KATNAL1: variants seen among roughly 807,000 people sequenced by gnomAD.
KATNAL1 encodes katanin p60 ATPase-containing subunit A-like 1.
A neutral mutation model predicts 55.2 loss-of-function variants in KATNAL1; 32 were observed. That is an observed-to-expected ratio of 0.58 (90% CI 0.44 to 0.78). The LOEUF (loss-of-function observed/expected upper bound fraction) is 0.78, where lower values mean the gene tolerates loss of function less well. Ranked by LOEUF, KATNAL1 falls within the 30% of genes least tolerant of loss-of-function variation. The pLI, the probability that KATNAL1 is intolerant of heterozygous loss-of-function variation, is 0.00. For missense variants in KATNAL1, 466 were observed against 600.9 expected (o/e 0.78, Z 2.35); for synonymous variants, 193 against 193.6 (o/e 1.00, Z 0.02).
chr13:30,260,663 T>A (rs1361658795), intron 3 of KATNAL1, among the ~76,000 whole-genome samples: 1 of 151,378 alleles, frequency 6.6e-6, no homozygotes, highest in Non-Finnish European at 1.5e-5. Context: ...GAAGGGAAAT[T>A]TAGAGAAAAA....
In KATNAL1 at chr13:30,208,374, A is replaced by G. The variant is rs1873345520; in HGVS notation, c.*166T>C. The G allele has an allele frequency of 1.7e-6, 1 of 576,938 alleles. No homozygotes were observed. The highest frequency in any genetic ancestry group is 2.9e-6 in the Non-Finnish European group (1 of 339,054). The allele number at this position is 576,938 out of a possible 1,614,324, so 35.7% of individuals were successfully genotyped here. On this transcript the variant is annotated 3_prime_UTR_variant, in exon 11 of 11. Coordinates refer to ENST00000380615, the MANE Select transcript of KATNAL1 (RefSeq NM_032116.5). ...GGAGACTAGCAAACTCTCGCCATCA[A>G]TTATTTCTCAACTACATTTAGTATT...
chr13:30,307,203 C>T (rs1432738985), intron 1 of KATNAL1, 128 bp downstream of exon 1: 1 of 152,418 alleles, frequency 6.6e-6, no homozygotes, highest in Non-Finnish European at 1.5e-5. Flanking sequence ...GCACGGGAGC[C>T]AGCGCCCGAG....
intron 9 of KATNAL1, among the ~76,000 whole-genome samples, chr13:30,218,220 AT>A: frequency 7.1e-6 from 1 of 140,662 alleles, no homozygotes; most frequent in South Asian, 2.3e-4. Flanking sequence ...ATATATATAT[AT>A]ATATATAAAG....
chr13:30,293,134 T>C (rs182715288), intron 1 of KATNAL1, among the ~76,000 whole-genome samples: 102 of 152,274 alleles, frequency 6.7e-4, no homozygotes, highest in African/African-American at 2.2e-3. Flanking sequence ...AAAATTTCTT[T>C]CCATTTTTTT....
At chr13:30,277,740 T>A (rs1166347993) in intron 3 of KATNAL1, among the ~76,000 whole-genome samples, 1 of 152,008 alleles carries the variant, frequency 6.6e-6, no homozygotes, top group Non-Finnish European at 1.5e-5. Flanking sequence ...TCCCAGCACT[T>A]TGGGAGGCCG....
chr13:30,224,176 T>G (rs76786495), intron 9 of KATNAL1, among the ~76,000 whole-genome samples: 10 of 152,012 alleles, frequency 6.6e-5, no homozygotes, highest in Non-Finnish European at 8.8e-5. Context: ...AAATATGATA[T>G]AGCAAAATTT....
intron 2 of KATNAL1, among the ~76,000 whole-genome samples, chr13:30,281,546 C>T (rs1247815164): frequency 6.6e-6 from 1 of 152,046 alleles, no homozygotes; most frequent in African/African-American, 2.4e-5. Flanking sequence ...TGAGTTGGAG[C>T]AAGTATATTG....
At chr13:30,218,227 T>TATATAAAA (rs1555258842) in intron 9 of KATNAL1, among the ~76,000 whole-genome samples, 28 of 145,308 alleles carry the variant, frequency 1.9e-4, no homozygotes, top group African/African-American at 6.4e-4. Flanking sequence ...TATATATATA[T>TATATAAAA]AAAGGACCTG....
At chr13:30,221,974 C>A (rs1040381160) in intron 9 of KATNAL1, among the ~76,000 whole-genome samples, 1 of 152,140 alleles carries the variant, frequency 6.6e-6, no homozygotes, top group African/African-American at 2.4e-5. Flanking sequence ...TCCCTTGAAC[C>A]CAGGAGGCGG....
At chr13:30,289,136 C>A (rs1242358206) in intron 1 of KATNAL1, among the ~76,000 whole-genome samples, 2 of 152,202 alleles carry the variant, frequency 1.3e-5, no homozygotes, top group African/African-American at 4.8e-5. Flanking sequence ...CTATTCTACA[C>A]ACACTATTCA....
intron 2 of KATNAL1, among the ~76,000 whole-genome samples, chr13:30,283,154 G>A (rs569734162): frequency 6.7e-6 from 1 of 148,894 alleles, no homozygotes; most frequent in East Asian, 2.0e-4. Context: ...TGTAGTCCCA[G>A]CTACTCCGGA....
intron 3 of KATNAL1, among the ~76,000 whole-genome samples, chr13:30,277,800 G>A (rs948088804): frequency 3.3e-5 from 5 of 151,206 alleles, no homozygotes; most frequent in African/African-American, 4.9e-5. Context: ...CGGCTAAAAC[G>A]GTGAAACCCC....
chr13:30,242,662 G>A (rs1877395959), intron 4 of KATNAL1, among the ~76,000 whole-genome samples: 3 of 151,998 alleles, frequency 2.0e-5, no homozygotes, highest in Non-Finnish European at 4.4e-5. Context: ...TAGAGGACGG[G>A]GTAGAGGAGG....
intron 1 of KATNAL1, among the ~76,000 whole-genome samples, chr13:30,295,289 G>C (rs2137560964): frequency 6.6e-6 from 1 of 152,298 alleles, no homozygotes; most frequent in East Asian, 1.9e-4. Flanking sequence ...TTCAAGGGAG[G>C]ATGTCAAAAC....
Position 30,203,523 on chromosome 13 carries a change from G to C in KATNAL1, c.*5017C>G, listed in dbSNP as rs1050571353. The C allele has an allele frequency of 3.3e-5, 5 of 151,360 alleles. No individual in the cohort carries two copies. Among genetic ancestry groups the C allele is most frequent in the African/African-American group, 1.2e-4 (5 of 40,728 alleles). 9.4% of individuals were successfully genotyped at this position (151,360 alleles called of 1,614,324 possible). A position where few individuals can be genotyped will look rare whatever the true frequency, so the allele number is the denominator to read the frequency against. ...ATCAAATGGGAGTCCTTTTATAAGA[G>C]GGAAACTTCTCTATACAAATTCCCT... On this transcript the variant is annotated 3_prime_UTR_variant, in exon 11 of 11. Transcript: ENST00000380615.
chr13:30,265,012 G>A (rs1436643858), intron 3 of KATNAL1, among the ~76,000 whole-genome samples: 1 of 149,738 alleles, frequency 6.7e-6, no homozygotes, highest in African/African-American at 2.5e-5. Flanking sequence ...AGAAAATGTG[G>A]CACATATACA....
intron 4 of KATNAL1, among the ~76,000 whole-genome samples, chr13:30,254,852 A>T (rs956326600): frequency 1.3e-5 from 2 of 152,200 alleles, no homozygotes; most frequent in Non-Finnish European, 2.9e-5. Context: ...AATCTGTAAG[A>T]TTATCTTCAA....
intron 9 of KATNAL1, among the ~76,000 whole-genome samples, chr13:30,221,648 G>C (rs948005744): frequency 6.6e-6 from 1 of 152,192 alleles, no homozygotes; most frequent in African/African-American, 2.4e-5. Context: ...CAAAGTTTCT[G>C]TGTGCCAAGA....
intron 6 of KATNAL1, among the ~76,000 whole-genome samples, chr13:30,239,738 T>A (rs1377967525): frequency 7.0e-6 from 1 of 143,854 alleles, no homozygotes; most frequent in African/African-American, 2.6e-5. Flanking sequence ...CAGGCTGGAG[T>A]GCAGTTGCGC....
Sources: gnomAD v4.1 joint callset for allele counts (sites outside exome capture counted in the v4.1 genomes callset) on GRCh38, gnomAD v4.1.1 for gene constraint, MANE v1.5 for transcripts, NCBI Gene and HGNC (gene_info 2026-07-23, HGNC 2026-07-21) for gene names.